The following SORCS2 variants were observed in gnomAD, a reference collection of about 807,000 sequenced individuals.
SORCS2 encodes the protein sortilin related VPS10 domain containing receptor 2, also known as VPS10 domain-containing receptor SorCS2.
Under a neutral mutation model 141.6 loss-of-function variants are expected in SORCS2, and 100 were observed. The ratio of observed to expected loss-of-function variants is 0.71; its 90% CI spans 0.60 to 0.83. The LOEUF (loss-of-function observed/expected upper bound fraction) is 0.83, where lower values mean the gene tolerates loss of function less well. Among genes scored for constraint, SORCS2 ranks in the 40% least tolerant of loss-of-function variants. The pLI, the probability that SORCS2 is intolerant of heterozygous loss-of-function variation, is 0.00. For missense variants in SORCS2, 1,646 were observed against 1,560.2 expected, an observed-to-expected ratio of 1.05 and a Z score of -0.93; for synonymous variants, 789 against 676.9, an observed-to-expected ratio of 1.17 and a Z score of -2.57.
intron 1 of SORCS2, among the ~76,000 whole-genome samples, chr4:7,215,172 G>A (rs1446475040): frequency 2.0e-5 from 3 of 152,196 alleles, no homozygotes; most frequent in Non-Finnish European, 4.4e-5. Context: ...GGCGCTTGCG[G>A]GCCAGCTGGA....
At chr4:7,631,378 G>C (rs1719884544) in intron 3 of SORCS2, among the ~76,000 whole-genome samples, 1 of 151,678 alleles carries the variant, frequency 6.6e-6, no homozygotes, top group Admixed American at 6.6e-5. Context: ...GCTTCAGGCA[G>C]ACCTCCTGGC....
intron 1 of SORCS2, among the ~76,000 whole-genome samples, chr4:7,227,423 C>T (rs572979615): frequency 1.6e-4 from 25 of 152,354 alleles, no homozygotes; most frequent in Admixed American, 9.1e-4. Flanking sequence ...AACTGCTGAG[C>T]GCCTGCTCCA....
At chr4:7,296,564 G>A (rs536807798) in intron 1 of SORCS2, among the ~76,000 whole-genome samples, 2 of 152,192 alleles carry the variant, frequency 1.3e-5, no homozygotes, top group Non-Finnish European at 2.9e-5. Context: ...GAGGCCACTC[G>A]CTCCTGCGAG....
At chr4:7,205,425 A>G (rs1202240602) in intron 1 of SORCS2, among the ~76,000 whole-genome samples, 1 of 152,228 alleles carries the variant, frequency 6.6e-6, no homozygotes, top group African/African-American at 2.4e-5. Flanking sequence ...AAGTTATCAA[A>G]ATACAGTTTT....
chr4:7,428,571 G>A (rs564401842), intron 2 of SORCS2, among the ~76,000 whole-genome samples: 8 of 152,312 alleles, frequency 5.3e-5, no homozygotes, highest in Middle Eastern at 3.4e-3. Context: ...GGTGGGGGCC[G>A]GAGGTGATGC....
At chr4:7,524,129 C>T (rs184274979) in intron 2 of SORCS2, among the ~76,000 whole-genome samples, 2 of 152,216 alleles carry the variant, frequency 1.3e-5, no homozygotes, top group African/African-American at 4.8e-5. Flanking sequence ...AATCTCTGTC[C>T]ACCAGGAACC....
chr4:7,574,323 AAG>A (rs1434701148), intron 3 of SORCS2, among the ~76,000 whole-genome samples: 3 of 152,314 alleles, frequency 2.0e-5, no homozygotes, highest in Non-Finnish European at 4.4e-5. Context: ...GACTGCAGTG[AAG>A]AGAGGTACTC....
At chr4:7,669,402 G>A (rs2108935421) in intron 8 of SORCS2, among the ~76,000 whole-genome samples, 1 of 152,070 alleles carries the variant, frequency 6.6e-6, no homozygotes, top group Non-Finnish European at 1.5e-5. Context: ...GGAGAATGGG[G>A]CCCCCAGAGC....
intron 25 of SORCS2, 81 bp from the exon 26 acceptor site, chr4:7,736,988 C>G (rs1712231737): frequency 6.6e-7 from 1 of 1,517,350 alleles, no homozygotes; most frequent in African/African-American, 1.4e-5. Context: ...TCGGTGTGGT[C>G]AGGCGGCCAG....
intron 26 of SORCS2, among the ~76,000 whole-genome samples, chr4:7,739,889 A>G (rs934539656): frequency 6.6e-6 from 1 of 151,848 alleles, no homozygotes; most frequent in African/African-American, 2.4e-5. Context: ...CCCCTCTCGC[A>G]CCCCCTTGCT....
intron 4 of SORCS2, among the ~76,000 whole-genome samples, chr4:7,643,871 C>G (rs1418218258): frequency 1.3e-5 from 2 of 152,110 alleles, no homozygotes; most frequent in African/African-American, 2.4e-5. Context: ...AGCTTCGATA[C>G]CACGTTGATG....
intron 6 of SORCS2, among the ~76,000 whole-genome samples, chr4:7,662,137 A>C (rs921911243): frequency 7.2e-5 from 11 of 152,078 alleles, no homozygotes; most frequent in South Asian, 6.2e-4. Flanking sequence ...AGTGATATGA[A>C]ATAAGTGAAT....
At chr4:7,708,276 C>T (rs1725600560) in intron 14 of SORCS2, among the ~76,000 whole-genome samples, 1 of 152,186 alleles carries the variant, frequency 6.6e-6, no homozygotes, top group South Asian at 2.1e-4. Flanking sequence ...GGCTTCCGCC[C>T]ACTCCACAGC....
At position 7,492,253 on chromosome 4, in the gene SORCS2, G is replaced by A. The variant is rs149584979; in HGVS notation, c.549-39277G>A. Among the ~76,000 whole-genome samples the A allele has an allele frequency of 3.9e-5, 6 of 152,280 alleles. No homozygotes were observed. The East Asian group carries it at 1.2e-3, about 29-fold the overall frequency. ...GTCCTCCCTGCCTCGCCCAGCCCCC[G>A]GTAACTACCATTCTACTCTCTGCTT... On this transcript the variant is annotated intron_variant, in intron 2 of 26. Coordinates refer to ENST00000507866, the MANE Select transcript of SORCS2 (RefSeq NM_020777.3).
chr4:7,205,782 C>G (rs994965708), intron 1 of SORCS2, among the ~76,000 whole-genome samples: 2 of 152,228 alleles, frequency 1.3e-5, no homozygotes, highest in Non-Finnish European at 2.9e-5. Context: ...GTGGCTCACG[C>G]CCGGAATCCC....
In SORCS2 at chr4:7,266,921, C is replaced by T. The variant is rs372822998; in HGVS notation, c.480+73795C>T. On this transcript the variant is annotated intron_variant, in intron 1 of 26. Coordinates refer to ENST00000507866, the MANE Select transcript of SORCS2 (RefSeq NM_020777.3). Reference sequence around the variant, plus strand: ...CCTCCCAGCGTGTTTCCTCTGCAGACGGTGGCTCATCACAGTGCCAGCTTT... The same window carrying T: ...CCTCCCAGCGTGTTTCCTCTGCAGATGGTGGCTCATCACAGTGCCAGCTTT... 3.5e-4 allele frequency among the ~76,000 whole-genome samples: 53 copies of T among 150,388 alleles called. No homozygotes were observed. The South Asian group carries it at 5.4e-3, about 15-fold the overall frequency.
rs28491490 is a variant in SORCS2, at chr4:7,601,679, T to G, written c.649-36649T>G. 9.5e-3 allele frequency among the ~76,000 whole-genome samples: 1,258 copies of G among 131,770 alleles called. 23 individuals carry two copies. The highest frequency in any genetic ancestry group is 0.035 in the African/African-American group (1,166 of 33,334). 86.4% of individuals were successfully genotyped at this position (131,770 alleles called of 152,430 possible). A position where few individuals can be genotyped will look rare whatever the true frequency, so the allele number is the denominator to read the frequency against. ...TTGTTTTTTGTTTGTTTGTTTGTTT[T>G]TTTAGTATTTATTGATCATTCTTGG... On this transcript the variant is annotated intron_variant, in intron 3 of 26. Coordinates refer to ENST00000507866, the MANE Select transcript of SORCS2 (RefSeq NM_020777.3).
intron 1 of SORCS2, among the ~76,000 whole-genome samples, chr4:7,321,255 T>G (rs1314094610): frequency 6.6e-6 from 1 of 152,170 alleles, no homozygotes; most frequent in Non-Finnish European, 1.5e-5. Context: ...CCATCCAAGT[T>G]GCTGCAAAAT....
chr4:7,288,993 C>T (rs769189471), intron 1 of SORCS2, among the ~76,000 whole-genome samples: 1 of 151,798 alleles, frequency 6.6e-6, no homozygotes, highest in Non-Finnish European at 1.5e-5. Flanking sequence ...TTGTGTCATG[C>T]TGCCCTGGGT....
Sources: allele counts gnomAD v4.1 joint callset (sites outside exome capture counted in the v4.1 genomes callset), GRCh38; gene constraint gnomAD v4.1.1; transcripts MANE v1.5; gene names NCBI Gene and HGNC (gene_info 2026-07-23, HGNC 2026-07-21).